NDUFA8: variants seen among roughly 807,000 people sequenced by gnomAD.
NDUFA8 encodes the protein NADH:ubiquinone oxidoreductase subunit A8.
NDUFA8 carries 16 observed loss-of-function variants against 20.9 expected under a neutral mutation model. That is an observed-to-expected ratio of 0.77 (90% CI 0.52 to 1.16). The LOEUF (loss-of-function observed/expected upper bound fraction) is 1.16, where lower values mean the gene tolerates loss of function less well. Ranked by LOEUF, NDUFA8 falls within the 50% of genes most tolerant of loss-of-function variation. The pLI is 0.00. For missense variants in NDUFA8, 202 were observed against 216.4 expected, an observed-to-expected ratio of 0.93 and a Z score of 0.42; for synonymous variants, 70 against 76.1, an observed-to-expected ratio of 0.92 and a Z score of 0.41.
chr9:122,158,741 GTATA>G (rs1278507518), intron 1 of NDUFA8, among the ~76,000 whole-genome samples: 3 of 146,022 alleles, frequency 2.1e-5, no homozygotes, highest in Non-Finnish European at 4.5e-5. Context: ...CACCAATTGT[GTATA>G]TATATATATG....
chr9:122,158,687 TTGTG>T (rs751989662), intron 1 of NDUFA8, among the ~76,000 whole-genome samples: 2 of 149,078 alleles, frequency 1.3e-5, no homozygotes, highest in African/African-American at 5.0e-5. Context: ...ATATGACCAA[TTGTG>T]TGTGTGTATA....
At chr9:122,143,802 T>C (rs1436478141), downstream of NDUFA8, among the ~76,000 whole-genome samples, 3 of 152,220 alleles carry the variant, frequency 2.0e-5, no homozygotes, top group Non-Finnish European at 2.9e-5. Context: ...TCTATTTGCC[T>C]AAGACGTTGG....
At chr9:122,139,122 C>G (rs1427230042), downstream of NDUFA8, among the ~76,000 whole-genome samples, 1 of 152,210 alleles carries the variant, frequency 6.6e-6, no homozygotes, top group African/African-American at 2.4e-5. Flanking sequence ...TTAGGCTCTT[C>G]CACACAAAAC....
chr9:122,137,934 G>A, the NDUFA8 span, among the ~76,000 whole-genome samples: 5 of 152,248 alleles, frequency 3.3e-5, no homozygotes, highest in South Asian at 2.1e-4. Context: ...CTCTTTGCCC[G>A]GCTGCCCATC....
chr9:122,151,180 C>T lies in NDUFA8; in HGVS notation c.215+1065G>A, dbSNP rs539951767. ...GTGCTAAGGTATCTATTTTTTTTCT[C>T]TAACTTCATTGTAGTGGACATCGGT... On this transcript the variant is annotated intron_variant, in intron 2 of 3. Coordinates refer to ENST00000373768, the MANE Select transcript of NDUFA8 (RefSeq NM_014222.3). 2.5e-4 allele frequency among the ~76,000 whole-genome samples: 38 copies of T among 152,036 alleles called. 1 individual carries two copies. The South Asian group carries it at 7.7e-3, about 31-fold the overall frequency.
chr9:122,149,531 C>T (rs1828959053), intron 2 of NDUFA8, among the ~76,000 whole-genome samples: 1 of 152,232 alleles, frequency 6.6e-6, no homozygotes, highest in Non-Finnish European at 1.5e-5. Flanking sequence ...ATGCCTACAA[C>T]CAGCAACTTC....
the NDUFA8 span, among the ~76,000 whole-genome samples, chr9:122,132,518 T>TG: frequency 6.6e-6 from 1 of 151,738 alleles, no homozygotes; most frequent in Non-Finnish European, 1.5e-5. Flanking sequence ...GCTGGGGAGG[T>TG]GGGGGCGCCT....
chr9:122,148,268 T>C lies in NDUFA8; in HGVS notation c.225A>G (p.Lys75=), dbSNP rs1828937429. The change falls in exon 3 of 4, where the codon AAA becomes AAG. Residue 75 remains lysine (K), a synonymous_variant. Coordinates refer to ENST00000373768, the MANE Select transcript of NDUFA8 (RefSeq NM_014222.3). ...CTGTAAAAGGCTCTGCACAGTGACG[T>C]TTTATCTGCCTGGAAAAGAAAGCTG... is the stretch of plus-strand genomic sequence containing the variant. The part of the protein sequence containing the change: ...KCALDFFRQI[K]RHCAEPFTEY... 2 of 1,614,040 alleles carry C rather than the reference T, an allele frequency of 1.2e-6. No individual in the cohort carries two copies. The highest frequency in any genetic ancestry group is 1.1e-5 in the South Asian group (1 of 91,086).
the NDUFA8 span, among the ~76,000 whole-genome samples, chr9:122,135,835 C>T: frequency 6.6e-6 from 1 of 152,190 alleles, no homozygotes; most frequent in Non-Finnish European, 1.5e-5. Flanking sequence ...GTGACCCTCC[C>T]ACCTTGGCCT....
chr9:122,148,123 C>G lies in NDUFA8; in HGVS notation c.370G>C (p.Glu124Gln), dbSNP rs777494220. ...AGAAGCCTTTTTACCTTTGACAGTT[C>G]TCCCAGGTCAGGCCGCACCCAGCCC... is the stretch of plus-strand genomic sequence containing the variant. The part of the protein sequence containing the change: ...KLGWVRPDLG[E>Q]LSKVTKVKTD... Residue 124 changes from glutamate (E) to glutamine (Q), a missense_variant, in exon 3 of 4, where the codon GAA (glutamate) becomes CAA (glutamine). Physicochemically the swap from Glu to Gln is conservative, Grantham distance 29 (BLOSUM62 2). Transcript: ENST00000373768. 6.2e-7 allele frequency: 1 copy of G among 1,614,168 alleles called. No individual in the cohort carries two copies. Among genetic ancestry groups the G allele is most frequent in the East Asian group, 2.2e-5 (1 of 44,886 alleles).
At position 122,152,267 on chromosome 9, in the gene NDUFA8, TG is replaced by T; in HGVS notation, c.192del (p.Asn64LysfsTer11). 4 of 1,614,202 alleles carry T rather than the reference TG, an allele frequency of 2.5e-6. No individual in the cohort carries two copies. Among genetic ancestry groups the T allele is most frequent in the Non-Finnish European group, 3.4e-6 (4 of 1,180,038 alleles). On this transcript the variant is annotated frameshift_variant, in exon 2 of 4. Coordinates refer to ENST00000373768, the MANE Select transcript of NDUFA8 (RefSeq NM_014222.3). LOFTEE classifies it high-confidence loss of function. Reference protein sequence around the residue: ...RRCLEEGKLVNKCALDFFRQI... With the variant: ...RRCLEEGKLVXKCALDFFRQI... ...TACCTAAAGAAGTCCAAAGCACACT[TG>T]TTGACCAGTTTGCCTTCCTCTAAAC...
At chr9:122,156,781 G>C (rs757790179) in intron 1 of NDUFA8, among the ~76,000 whole-genome samples, 8 of 152,150 alleles carry the variant, frequency 5.3e-5, no homozygotes, top group Admixed American at 1.3e-4. Flanking sequence ...TGCTAAGTCT[G>C]ATCAATTCTA....
chr9:122,133,071 C>A, the NDUFA8 span: 6 of 454,414 alleles, frequency 1.3e-5, no homozygotes, highest in East Asian at 2.1e-4. Context: ...CAAAGTAGAC[C>A]TTACTTCCTG....
intron 1 of NDUFA8, among the ~76,000 whole-genome samples, chr9:122,159,185 G>A (rs937789369): frequency 2.6e-5 from 4 of 151,968 alleles, no homozygotes; most frequent in Non-Finnish European, 5.9e-5. Flanking sequence ...ATTTTCCCGC[G>A]GCTTCGTCAC....
chr9:122,148,051 C>G, intron 3 of NDUFA8, 61 bp downstream of exon 3: 4 of 1,604,994 alleles, frequency 2.5e-6, no homozygotes, highest in Non-Finnish European at 3.4e-6. Flanking sequence ...TTGCTGACCA[C>G]CTCCTGCCTT....
intron 1 of NDUFA8, 109 bp downstream of exon 1, chr9:122,159,518 G>C: frequency 2.2e-6 from 3 of 1,371,134 alleles, no homozygotes. Context: ...TTGGAGGACT[G>C]GGGAGGGGGG....
chr9:122,159,474 G>A (rs7045306), intron 1 of NDUFA8, among the ~76,000 whole-genome samples, 153 bp downstream of exon 1: 1,637 of 152,208 alleles, frequency 0.011, 34 homozygotes, highest in African/African-American at 0.037. Context: ...CCAAAGCTGC[G>A]GAGGGGACCT....
intron 1 of NDUFA8, among the ~76,000 whole-genome samples, chr9:122,158,293 A>G (rs987965822): frequency 4.6e-5 from 7 of 152,044 alleles, no homozygotes; most frequent in Admixed American, 2.0e-4. Context: ...TCTGCCTTAA[A>G]ACCTTCCACT....
chr9:122,154,670 T>G (rs1441321036), intron 1 of NDUFA8, among the ~76,000 whole-genome samples: 1 of 152,226 alleles, frequency 6.6e-6, no homozygotes, highest in Non-Finnish European at 1.5e-5. Flanking sequence ...TATTCTCATT[T>G]CCTATTTTAT....
Sources: gnomAD v4.1 joint callset for allele counts (sites outside exome capture counted in the v4.1 genomes callset) on GRCh38, gnomAD v4.1.1 for gene constraint, MANE v1.5 for transcripts, NCBI Gene and HGNC (gene_info 2026-07-23, HGNC 2026-07-21) for gene names.